Variants in ELAVL3 observed in about 807,000 individuals in gnomAD.
The protein encoded by ELAVL3 is ELAV like RNA binding protein 3.
A neutral mutation model predicts 34.2 loss-of-function variants in ELAVL3; 8 were observed. That is an observed-to-expected ratio of 0.23 (90% CI 0.14 to 0.42). The LOEUF is 0.42. Ranked by LOEUF, ELAVL3 falls within the 10% of genes least tolerant of loss-of-function variation. The pLI is 1.00. For synonymous variants in ELAVL3, 209 were observed against 222.1 expected, an observed-to-expected ratio of 0.94 and a Z score of 0.53; for missense variants, 273 against 518.8, an observed-to-expected ratio of 0.53 and a Z score of 4.60.
At chr19:11,464,113 G>GTCTCTCTCTGTCTC (rs1970950860) in intron 3 of ELAVL3, among the ~76,000 whole-genome samples, 2 of 115,232 alleles carry the variant, frequency 1.7e-5, no homozygotes, top group African/African-American at 8.0e-5. Flanking sequence ...CTCTCTCTCT[G>GTCTCTCTCTGTCTC]TCTCTCTCTG....
intron 1 of ELAVL3, among the ~76,000 whole-genome samples, chr19:11,471,714 A>T (rs1971168317): frequency 6.6e-6 from 1 of 151,842 alleles, no homozygotes; most frequent in African/African-American, 2.4e-5. Flanking sequence ...TCAGCCTCCC[A>T]AAGTGTTGGG....
chr19:11,451,455 C>A lies in ELAVL3; in HGVS notation c.*3071G>T, dbSNP rs1290984231. ...TAGTCTAAACGCAACGCGAAGTGTT[C>A]TTGTTGGGTTTTTTTTTTTTTTTTG... On this transcript the variant is annotated 3_prime_UTR_variant, in exon 7 of 7. Coordinates refer to ENST00000359227, the MANE Select transcript of ELAVL3 (RefSeq NM_001420.4). The A allele has an allele frequency of 1.6e-5, 1 of 61,870 alleles. No homozygotes were observed. The highest frequency in any genetic ancestry group is 5.7e-4 in the South Asian group (1 of 1,760). The allele number at this position is 61,870 out of a possible 1,614,324, so 3.8% of individuals were successfully genotyped here.
At chr19:11,478,550 G>T (rs1971306853) in intron 1 of ELAVL3, among the ~76,000 whole-genome samples, 1 of 152,070 alleles carries the variant, frequency 6.6e-6, no homozygotes, top group South Asian at 2.1e-4. Flanking sequence ...GATAAAAGAT[G>T]GAGGGTTAGG....
chr19:11,469,429 C>T (rs769147830), intron 1 of ELAVL3, among the ~76,000 whole-genome samples: 10 of 152,038 alleles, frequency 6.6e-5, no homozygotes, highest in Non-Finnish European at 1.5e-4. Context: ...TATAGGCATG[C>T]GCCACCATGC....
At chr19:11,463,470 A>G (rs2144888976) in intron 3 of ELAVL3, among the ~76,000 whole-genome samples, 1 of 152,316 alleles carries the variant, frequency 6.6e-6, no homozygotes, top group East Asian at 1.9e-4. Flanking sequence ...TCAGAGAATT[A>G]CAGTGAAGGT....
In ELAVL3 at chr19:11,466,023, A is replaced by G; in HGVS notation, c.333+149T>C. On this transcript the variant is annotated intron_variant, in intron 3 of 6. Transcript: ENST00000359227. This position sits in a 1 kb window ranked among gnomAD's most constrained non-coding sequence, Gnocchi z 5.0. ...GCCATTGCCCCCACCCCAGCTAGGA[A>G]GTCTTGGAGGGGAGATTTGAGCCCC... 1.4e-6 allele frequency: 1 copy of G among 707,822 alleles called. No individual in the cohort carries two copies. Among genetic ancestry groups the G allele is most frequent in the Non-Finnish European group, 2.4e-6 (1 of 409,812 alleles). 43.8% of individuals were successfully genotyped at this position (707,822 alleles called of 1,614,324 possible). A position where few individuals can be genotyped will look rare whatever the true frequency, so the allele number is the denominator to read the frequency against.
chr19:11,475,339 TTCA>T (rs577676594), intron 1 of ELAVL3, among the ~76,000 whole-genome samples: 1 of 152,334 alleles, frequency 6.6e-6, no homozygotes, highest in South Asian at 2.1e-4. Context: ...AGAGCTGTTT[TTCA>T]TCATTATGGC....
At chr19:11,463,569 A>G (rs1263009579) in intron 3 of ELAVL3, among the ~76,000 whole-genome samples, 1 of 152,162 alleles carries the variant, frequency 6.6e-6, no homozygotes, top group Admixed American at 6.6e-5. Flanking sequence ...ACACACCCAC[A>G]CAACATCGCG....
Position 11,454,752 on chromosome 19 carries a change from G to A in ELAVL3, c.878C>T (p.Pro293Leu), listed in dbSNP as rs978232643. The A allele has an allele frequency of 4.3e-6, 7 of 1,614,100 alleles. No individual in the cohort carries two copies. Among genetic ancestry groups the A allele is most frequent in the South Asian group, 1.1e-5 (1 of 91,088 alleles). Residue 293 changes from proline (P) to leucine (L), a missense_variant, in exon 7 of 7, where the codon CCG becomes CTG. By Grantham distance (98) the Pro-to-Leu change is moderately conservative. Transcript: ENST00000359227. This position sits in a 1 kb window ranked among gnomAD's most constrained non-coding sequence, Gnocchi z 9.2. ...CCACAGCACGCTCTCGTCTGCCTCC[G>A]GTGACAGGTTGTACACGAAGATGCA... ...GWCIFVYNLS[P>L]EADESVLWQL...
Position 11,451,431 on chromosome 19 carries a change from A to G in ELAVL3, c.*3095T>C, listed in dbSNP as rs1241582910. ...CAGGCCTGTGATCCCGGTAATAAAT[A>G]GTCTAAACGCAACGCGAAGTGTTCT... On this transcript the variant is annotated 3_prime_UTR_variant, in exon 7 of 7. Coordinates refer to ENST00000359227, the MANE Select transcript of ELAVL3 (RefSeq NM_001420.4). 7.0e-6 allele frequency: 1 copy of G among 143,684 alleles called. No individual in the cohort carries two copies. The highest frequency in any genetic ancestry group is 1.5e-5 in the Non-Finnish European group (1 of 66,494). The allele number at this position is 143,684 out of a possible 1,614,324, so 8.9% of individuals were successfully genotyped here.
chr19:11,458,761 G>C lies in ELAVL3; in HGVS notation c.334-150C>G, dbSNP rs1418102637. The C allele has an allele frequency of 3.8e-6, 4 of 1,059,564 alleles. No homozygotes were observed. In the Admixed American group the frequency reaches 9.7e-5, roughly 26 times the overall value. The allele number at this position is 1,059,564 out of a possible 1,614,324, so 65.6% of individuals were successfully genotyped here. A position where few individuals can be genotyped will look rare whatever the true frequency, so the allele number is the denominator to read the frequency against. Reference sequence around the variant, plus strand: ...CTCTAGAGTTGTCACCGTGGGGTGGGGCTGAGTCAGATATGGGAGAGGGGA... The same window carrying C: ...CTCTAGAGTTGTCACCGTGGGGTGGCGCTGAGTCAGATATGGGAGAGGGGA... On this transcript the variant is annotated intron_variant, in intron 3 of 6. Transcript: ENST00000359227. This position sits in a 1 kb window ranked among gnomAD's most constrained non-coding sequence, Gnocchi z 7.3.
rs564456067 is a variant in ELAVL3 at position 11,454,838 on chromosome 19, G to A, written c.792C>T (p.Ile264=). The part of the protein sequence containing the change: ...SLIARFSPIA[I]DGMSGLAGVG... ...CGCCCGCCAGGCCGCTCATACCATC[G>A]ATGGCGATCGGCGAGAACCTGGCGA... The change falls in exon 7 of 7, where the codon ATC becomes ATT. Residue 264 remains isoleucine, a synonymous_variant. Transcript: ENST00000359227. The surrounding 1 kb of genome is among the most constrained non-coding windows in gnomAD (Gnocchi z 9.2). 65 of 1,606,670 alleles carry A rather than the reference G, an allele frequency of 4.0e-5. No individual in the cohort carries two copies. The East Asian group carries it at 4.5e-4, about 11-fold the overall frequency.
intron 1 of ELAVL3, among the ~76,000 whole-genome samples, chr19:11,467,747 G>A (rs1971084269): frequency 6.6e-6 from 1 of 151,706 alleles, no homozygotes. Context: ...GCCTCCCAAT[G>A]TGCTGGGATT....
chr19:11,451,549 C>T lies in ELAVL3; in HGVS notation c.*2977G>A, dbSNP rs1369722978. 2 of 116,160 alleles carry T rather than the reference C, an allele frequency of 1.7e-5. No homozygotes were observed. Among genetic ancestry groups the T allele is most frequent in the Non-Finnish European group, 3.3e-5 (2 of 61,446 alleles). The allele number at this position is 116,160 out of a possible 1,614,324, so 7.2% of individuals were successfully genotyped here. A position where few individuals can be genotyped will look rare whatever the true frequency, so the allele number is the denominator to read the frequency against. On this transcript the variant is annotated 3_prime_UTR_variant, in exon 7 of 7. Transcript: ENST00000359227. ...TTATCACCTCCAACATGGACTCTGT[C>T]GTGATTTGAAACCTTCCGAATAAAT...
At chr19:11,465,200 CCACACACATA>C (rs1971017507) in intron 3 of ELAVL3, among the ~76,000 whole-genome samples, 1 of 115,572 alleles carries the variant, frequency 8.7e-6, no homozygotes, top group Non-Finnish European at 1.9e-5. Flanking sequence ...CACCTACACG[CCACACACATA>C]CACACACACC....
chr19:11,480,802 T>G lies in ELAVL3; in HGVS notation c.-194A>C. On this transcript the variant is annotated 5_prime_UTR_variant, in exon 1 of 7. Coordinates refer to ENST00000359227, the MANE Select transcript of ELAVL3 (RefSeq NM_001420.4). The surrounding 1 kb of genome is among the most constrained non-coding windows in gnomAD (Gnocchi z 6.8). ...CCGAACCCGGGGATGCGCGCGCGGA[T>G]GGCCGGGCCCCGGGGTGGCCTGCGG... The G allele has an allele frequency of 7.2e-6, 3 of 417,548 alleles. No homozygotes were observed. Among genetic ancestry groups the G allele is most frequent in the Non-Finnish European group, 8.0e-6 (2 of 250,142 alleles). 25.9% of individuals were successfully genotyped at this position (417,548 alleles called of 1,614,324 possible). A position where few individuals can be genotyped will look rare whatever the true frequency, so the allele number is the denominator to read the frequency against.
rs894091551 is a variant in ELAVL3 at position 11,453,741 on chromosome 19, G to C, written c.*785C>G. On this transcript the variant is annotated 3_prime_UTR_variant, in exon 7 of 7. Coordinates refer to ENST00000359227, the MANE Select transcript of ELAVL3 (RefSeq NM_001420.4). ...ACTGTCTGCGTGGTTGTTTCTCTGT[G>C]TGGCCCCGTGGGCTGCTAGCCCCTA... The C allele has an allele frequency of 1.4e-4, 21 of 152,790 alleles. No individual in the cohort carries two copies. The highest frequency in any genetic ancestry group is 4.8e-4 in the African/African-American group (20 of 41,386). The allele number at this position is 152,790 out of a possible 1,614,324, so 9.5% of individuals were successfully genotyped here. A position where few individuals can be genotyped will look rare whatever the true frequency, so the allele number is the denominator to read the frequency against.
In ELAVL3 at chr19:11,452,309, T is replaced by C. The variant is rs191775580; in HGVS notation, c.*2217A>G. Reference sequence around the variant, plus strand: ...AAAACTTAAAGAAACAAAGAGAACATTGTCGTTCCTTTAACTTGCAAACCG... The same window carrying C: ...AAAACTTAAAGAAACAAAGAGAACACTGTCGTTCCTTTAACTTGCAAACCG... On this transcript the variant is annotated 3_prime_UTR_variant, in exon 7 of 7. Coordinates refer to ENST00000359227, the MANE Select transcript of ELAVL3 (RefSeq NM_001420.4). 6 of 152,270 alleles carry C rather than the reference T, an allele frequency of 3.9e-5. No individual in the cohort carries two copies. The highest frequency in any genetic ancestry group is 8.8e-5 in the Non-Finnish European group (6 of 68,022). 9.4% of individuals were successfully genotyped at this position (152,270 alleles called of 1,614,324 possible).
At chr19:11,474,840 A>T (rs953782341) in intron 1 of ELAVL3, among the ~76,000 whole-genome samples, 4 of 151,686 alleles carry the variant, frequency 2.6e-5, no homozygotes, top group African/African-American at 7.3e-5. Context: ...ATTTTATTTT[A>T]TTTTTTTGAG....
Sources: allele counts gnomAD v4.1 joint callset (sites outside exome capture counted in the v4.1 genomes callset), GRCh38; gene constraint gnomAD v4.1.1; non-coding constraint Gnocchi (gnomAD v3.1); transcripts MANE v1.5; gene names NCBI Gene and HGNC (gene_info 2026-07-23, HGNC 2026-07-21).